Variants in SPIRE2 observed in about 807,000 individuals in gnomAD.
SPIRE2 encodes the protein protein spire homolog 2.
Under a neutral mutation model 80.7 loss-of-function variants are expected in SPIRE2, and 76 were observed. The ratio of observed to expected loss-of-function variants is 0.94; its 90% CI spans 0.78 to 1.14. The LOEUF is 1.14. SPIRE2 is among the 50% of genes most tolerant of loss of function. The pLI, the probability that SPIRE2 is intolerant of heterozygous loss-of-function variation, is 0.00. For synonymous variants in SPIRE2, 535 were observed against 432.6 expected, an observed-to-expected ratio of 1.24 and a Z score of -2.94; for missense variants, 1,196 against 1,015.3, an observed-to-expected ratio of 1.18 and a Z score of -2.42.
At chr16:89,854,679 C>G in intron 5 of SPIRE2, 28 bp downstream of exon 5, 3 of 1,600,946 alleles carry the variant, frequency 1.9e-6, no homozygotes, top group South Asian at 1.1e-5. Context: ...AGAGGGGCAG[C>G]CTGGATGCAG....
At chr16:89,837,345 G>C (rs2041460140) in intron 1 of SPIRE2, among the ~76,000 whole-genome samples, 1 of 152,186 alleles carries the variant, frequency 6.6e-6, no homozygotes, top group Non-Finnish European at 1.5e-5. Flanking sequence ...GCCAAGGCTA[G>C]GCCCAGGGTC....
intron 12 of SPIRE2, among the ~76,000 whole-genome samples, chr16:89,867,678 A>C (rs1448127929): frequency 6.7e-6 from 1 of 149,324 alleles, no homozygotes; most frequent in Non-Finnish European, 1.5e-5. Flanking sequence ...TCCACTTCCC[A>C]GGTTCATGCC....
chr16:89,850,260 A>AC, intron 2 of SPIRE2, 44 bp from the exon 3 acceptor site: 1 of 1,550,220 alleles, frequency 6.5e-7, no homozygotes, highest in Non-Finnish European at 8.8e-7. Context: ...TCCCCGCCCC[A>AC]CCCCCCTGCA....
At position 89,863,856 on chromosome 16, in the gene SPIRE2, C is replaced by T; in HGVS notation, c.1773C>T (p.Cys591=). The T allele has an allele frequency of 2.5e-6, 4 of 1,613,134 alleles. No individual in the cohort carries two copies. The highest frequency in any genetic ancestry group is 1.7e-4 in the Middle Eastern group (1 of 6,056). Residue 591 remains cysteine (C), a synonymous_variant, in exon 12 of 15, where the codon TGC becomes TGT. Coordinates refer to ENST00000378247, the MANE Select transcript of SPIRE2 (RefSeq NM_032451.2). The surrounding 1 kb of genome is among the most constrained non-coding windows in gnomAD (Gnocchi z 4.3). ...CGTGGCCGCCCAGCTGTCTCTTCTG[C>T]AAGAGGTGAGCCTTCCCTTTAGCTG... ...LFSWPPSCLF[C]KRAVCTSCSI...
rs374572901 is a variant in SPIRE2, at chr16:89,854,695, G to A, written c.891+44G>A. 26 of 1,591,972 alleles carry A rather than the reference G, an allele frequency of 1.6e-5. No individual in the cohort carries two copies. The East Asian group carries it at 3.8e-4, about 23-fold the overall frequency. ...GAGGGGCAGCCTGGATGCAGAGGTC[G>A]TGGTGAGCGGGGCGGACGCAGATGA... On this transcript the variant is annotated intron_variant, in intron 5 of 14. Coordinates refer to ENST00000378247, the MANE Select transcript of SPIRE2 (RefSeq NM_032451.2).
At position 89,863,895 on chromosome 16, in the gene SPIRE2, G is replaced by A. The variant is rs762255315; in HGVS notation, c.1778+34G>A. 20 of 1,572,894 alleles carry A rather than the reference G, an allele frequency of 1.3e-5. No homozygotes were observed. In the Admixed American group the frequency reaches 3.3e-4, roughly 26 times the overall value. Reference sequence around the variant, plus strand: ...TCCCTTTAGCTGTCAGTTCACAAGGGAAGGAGGAGGCGAGAAACCTCGGGG... The same window carrying A: ...TCCCTTTAGCTGTCAGTTCACAAGGAAAGGAGGAGGCGAGAAACCTCGGGG... On this transcript the variant is annotated intron_variant, in intron 12 of 14. Coordinates refer to ENST00000378247, the MANE Select transcript of SPIRE2 (RefSeq NM_032451.2). This position sits in a 1 kb window ranked among gnomAD's most constrained non-coding sequence, Gnocchi z 4.3.
chr16:89,850,448 G>A lies in SPIRE2; in HGVS notation c.433G>A (p.Ala145Thr), dbSNP rs780568164. The A allele has an allele frequency of 8.9e-6, 14 of 1,568,614 alleles. No homozygotes were observed. Among genetic ancestry groups the A allele is most frequent in the African/African-American group, 4.0e-5 (3 of 74,396 alleles). Residue 145 changes from alanine (A) to threonine (T), a missense_variant, in exon 3 of 15, where the codon GCC becomes ACC. Coordinates refer to ENST00000378247, the MANE Select transcript of SPIRE2 (RefSeq NM_032451.2). ...NDSEDSGCGA[A>T]DEGYGGPEEE... ...CAGCGAGGACAGCGGCTGCGGTGCCGCCGATGAGGGCTACGGGGGTCCCGA... is the reference window on the plus strand; with the variant it reads ...CAGCGAGGACAGCGGCTGCGGTGCCACCGATGAGGGCTACGGGGGTCCCGA...
Position 89,870,089 on chromosome 16 carries a change from G to A in SPIRE2, c.1962G>A (p.Ala654=), listed in dbSNP as rs1471984741. ...CACAGTGGCAGAGCGTGGAGGAGGCGTTCCCCCACATCTACTCCCACGGCT... is the reference window on the plus strand; with the variant it reads ...CACAGTGGCAGAGCGTGGAGGAGGCATTCCCCCACATCTACTCCCACGGCT... ...QGPQWQSVEE[A]FPHIYSHGCV... The change falls in exon 15 of 15, where the codon GCG becomes GCA. Residue 654 remains alanine, a synonymous_variant. Transcript: ENST00000378247. The A allele has an allele frequency of 5.0e-5, 80 of 1,613,384 alleles. No homozygotes were observed. The highest frequency in any genetic ancestry group is 1.7e-4 in the Middle Eastern group (1 of 5,962).
At position 89,842,208 on chromosome 16, in the gene SPIRE2, A is replaced by ATTTTTTTTT. The variant is rs71137682; in HGVS notation, c.245-3100_245-3092dup. ...ATACAATTAGATTCATGAACACGTAATTTTTTTTTTTTTTTTTTTTTTGTG... is the reference window on the plus strand; with the variant it reads ...ATACAATTAGATTCATGAACACGTAATTTTTTTTTTTTTTTTTTTTTTTTTTTTTTTGTG... On this transcript the variant is annotated intron_variant, in intron 1 of 14. Transcript: ENST00000378247. Among the ~76,000 whole-genome samples, 89 of 81,298 alleles carry ATTTTTTTTT rather than the reference A, an allele frequency of 1.1e-3. 8 individuals are homozygous for ATTTTTTTTT. Among genetic ancestry groups the ATTTTTTTTT allele is most frequent in the African/African-American group, 3.7e-3 (61 of 16,334 alleles). 53.3% of individuals were successfully genotyped at this position (81,298 alleles called of 152,430 possible).
intron 1 of SPIRE2, among the ~76,000 whole-genome samples, chr16:89,834,960 G>A (rs1052273624): frequency 1.4e-5 from 2 of 146,478 alleles, no homozygotes; most frequent in East Asian, 2.1e-4. Flanking sequence ...GCGGCTGGCC[G>A]TCGTAGAAGG....
chr16:89,845,524 C>T (rs935876957), intron 2 of SPIRE2, 159 bp downstream of exon 2: 20 of 765,158 alleles, frequency 2.6e-5, no homozygotes, highest in African/African-American at 8.6e-5. Flanking sequence ...CTGGATGAAA[C>T]GCTGTTCACA....
rs146022107 is a variant in SPIRE2 at position 89,836,838 on chromosome 16, A to G, written c.244+8044A>G. Among the ~76,000 whole-genome samples the G allele has an allele frequency of 2.9e-3, 445 of 151,676 alleles. 5 individuals carry two copies. The highest frequency in any genetic ancestry group is 0.01 in the African/African-American group (422 of 41,214). The stretch of plus-strand genomic sequence containing the variant: ...CTACTGAAAAAAAAAAAAAAGAAAA[A>G]AAGAAAGTTAGCTGGGCGTCGTGGT... On this transcript the variant is annotated intron_variant, in intron 1 of 14. Transcript: ENST00000378247.
intron 12 of SPIRE2, among the ~76,000 whole-genome samples, chr16:89,864,979 G>T (rs548898940): frequency 1.5e-4 from 23 of 151,032 alleles, no homozygotes; most frequent in African/African-American, 5.3e-4. Context: ...AGGGAGAGGG[G>T]AAAATTGGAA....
intron 3 of SPIRE2, among the ~76,000 whole-genome samples, chr16:89,851,632 C>G (rs532974844): frequency 1.2e-4 from 18 of 152,268 alleles, no homozygotes; most frequent in African/African-American, 4.3e-4. Flanking sequence ...GCAACCATCC[C>G]TCTCTGACTC....
chr16:89,865,044 G>A (rs1567678730), intron 12 of SPIRE2, among the ~76,000 whole-genome samples: 1 of 147,196 alleles, frequency 6.8e-6, no homozygotes, highest in Admixed American at 6.9e-5. Flanking sequence ...TCTCGCTCTG[G>A]CGCCCAGGCT....
chr16:89,837,414 G>A (rs1281117858), intron 1 of SPIRE2, among the ~76,000 whole-genome samples: 1 of 152,204 alleles, frequency 6.6e-6, no homozygotes, highest in African/African-American at 2.4e-5. Context: ...CTTGGACCGG[G>A]ATTAATAGCA....
Position 89,863,731 on chromosome 16 carries a change from G to A in SPIRE2, c.1711-63G>A. 1.9e-6 allele frequency: 3 copies of A among 1,605,264 alleles called. No individual in the cohort carries two copies. Among genetic ancestry groups the A allele is most frequent in the Non-Finnish European group, 2.6e-6 (3 of 1,172,148 alleles). ...GTTGGGAGCCCTGAGGGGGTAGCAG[G>A]GACAGGGCGGGACCCCAGGGAGCTT... is the stretch of plus-strand genomic sequence containing the variant. On this transcript the variant is annotated intron_variant, in intron 11 of 14. Transcript: ENST00000378247. The surrounding 1 kb of genome is among the most constrained non-coding windows in gnomAD (Gnocchi z 4.3).
chr16:89,866,344 C>G (rs1009567323), intron 12 of SPIRE2, among the ~76,000 whole-genome samples: 1 of 151,806 alleles, frequency 6.6e-6, no homozygotes, highest in African/African-American at 2.4e-5. Context: ...GTTGCCCAGT[C>G]GGAAGTGCAA....
At chr16:89,857,199 C>G (rs2041699169) in intron 7 of SPIRE2, among the ~76,000 whole-genome samples, 1 of 146,372 alleles carries the variant, frequency 6.8e-6, no homozygotes, top group South Asian at 2.2e-4. Flanking sequence ...TGCAGTGGCA[C>G]CATTATAGTT....
Sources: allele counts gnomAD v4.1 joint callset (sites outside exome capture counted in the v4.1 genomes callset), GRCh38; gene constraint gnomAD v4.1.1; non-coding constraint Gnocchi (gnomAD v3.1); transcripts MANE v1.5; gene names NCBI Gene and HGNC (gene_info 2026-07-23, HGNC 2026-07-21).